The following CD36 variants were observed in gnomAD, a reference collection of about 807,000 sequenced individuals.
The protein encoded by CD36 is platelet glycoprotein 4.
Under a neutral mutation model 55.2 loss-of-function variants are expected in CD36, and 119 were observed. That is an observed-to-expected ratio of 2.15 (90% CI 1.86 to 2.51). The LOEUF (loss-of-function observed/expected upper bound fraction) is 2.51. Among genes scored for constraint, CD36 ranks in the 30% most tolerant of loss-of-function variants. CD36 has a pLI of 0.00. For missense variants in CD36, 819 were observed against 555.5 expected (o/e 1.47, Z -4.77); for synonymous variants, 186 against 193.6 (o/e 0.96, Z 0.33).
At chr7:80,669,417 A>C (rs930549519) in intron 8 of CD36, among the ~76,000 whole-genome samples, 1 of 152,146 alleles carries the variant, frequency 6.6e-6, no homozygotes, top group East Asian at 1.9e-4. Flanking sequence ...TTGGATATTA[A>C]TAAGTTAAAT....
At chr7:80,637,327 T>TA (rs2116230846), upstream of CD36, among the ~76,000 whole-genome samples, 1 of 152,166 alleles carries the variant, frequency 6.6e-6, no homozygotes, top group East Asian at 1.9e-4. Flanking sequence ...AGGTCGCAGT[T>TA]ATTTAAGGGA....
chr7:80,615,990 C>A lies in CD36; in HGVS notation c.-184+13611C>A, dbSNP rs528996408. ...ATTTAATTTTGATTTGATTTTATAG[C>A]CTTAACAGATAACACTTTCTTCCTT... On this transcript the variant is annotated intron_variant, in intron 1 of 13. Coordinates refer to the CD36 transcript ENST00000309881. 7.2e-4 allele frequency among the ~76,000 whole-genome samples: 109 copies of A among 151,166 alleles called. 1 individual carries two copies. The highest frequency in any genetic ancestry group is 1.2e-3 in the Non-Finnish European group (81 of 68,016).
Position 80,667,747 on chromosome 7 carries a change from G to GTTTTTTTTTT in CD36, c.748+1270_748+1279dup, listed in dbSNP as rs1165767460. ...GTTGGATTTGCAGGGGTTTTCTTTT[G>GTTTTTTTTTT]TTTTTTTTTTTTTTTTTTTTTGAGA... is the stretch of plus-strand genomic sequence containing the variant. On this transcript the variant is annotated intron_variant, in intron 8 of 14. Transcript: ENST00000447544. 1.6e-3 allele frequency among the ~76,000 whole-genome samples: 135 copies of GTTTTTTTTTT among 82,574 alleles called. 6 individuals carry two copies. Among genetic ancestry groups the GTTTTTTTTTT allele is most frequent in the Middle Eastern group, 7.0e-3 (1 of 142 alleles). The allele number at this position is 82,574 out of a possible 152,430, so 54.2% of individuals were successfully genotyped here.
In CD36 at chr7:80,671,942, C is replaced by A. The variant is rs994055827; in HGVS notation, c.1027C>A (p.Leu343Ile). The stretch of plus-strand genomic sequence containing the variant: ...TTCAGGGAGACCTGTGTACATTTCA[C>A]TTCCTCATTTTCTGTATGCAAGTCC... ...CKEGRPVYIS[L>I]PHFLYASPDV... The change falls in exon 11 of 15, where the codon CTT becomes ATT. Residue 343 changes from leucine to isoleucine, a missense_variant. Physicochemically the swap from Leu to Ile is conservative, Grantham distance 5 (BLOSUM62 2). Transcript: ENST00000447544. 9 of 1,611,304 alleles carry A rather than the reference C, an allele frequency of 5.6e-6. No individual in the cohort carries two copies. Among genetic ancestry groups the A allele is most frequent in the Admixed American group, 3.3e-5 (2 of 59,920 alleles).
rs573439520 is a variant in CD36, at chr7:80,663,003, T to A, written c.443T>A (p.Ile148Asn). The A allele has an allele frequency of 7.0e-5, 113 of 1,612,484 alleles. 2 individuals are homozygous for A. In the South Asian group the frequency reaches 1.1e-3, roughly 16 times the overall value. ...TTGTTTTTGTAGGCTGCATCCCATA[T>A]CTATCAAAATCAATTTGTTCAAATG... Reference protein sequence around the residue: ...LNLAVAAASHIYQNQFVQMIL... With the variant: ...LNLAVAAASHNYQNQFVQMIL... Residue 148 changes from isoleucine (I) to asparagine (N), a missense_variant, in exon 6 of 15, where the codon ATC becomes AAC. Physicochemically the swap from Ile to Asn is moderately radical, Grantham distance 149. Transcript: ENST00000447544.
At position 80,672,821 on chromosome 7, in the gene CD36, G is replaced by T. The variant is rs1410669906; in HGVS notation, c.1177G>T (p.Val393Phe). Reference sequence around the variant, plus strand: ...AAAACGGCTGCAGGTCAACCTATTGGTCAAGCCATCAGAAAAAATTCAGTG... The same window carrying T: ...AAAACGGCTGCAGGTCAACCTATTGTTCAAGCCATCAGAAAAAATTCAGTG... ...FAKRLQVNLL[V>F]KPSEKIQVLK... is the part of the protein sequence containing the mutation. The change falls in exon 12 of 15, where the codon GTC becomes TTC. Residue 393 changes from valine (V) to phenylalanine (F), a missense_variant. Val to Phe is a conservative substitution (Grantham distance 50). Transcript: ENST00000447544. 3.1e-6 allele frequency: 5 copies of T among 1,610,594 alleles called. No homozygotes were observed. The African/African-American group carries it at 5.3e-5, about 17-fold the overall frequency.
chr7:80,635,093 A>G (rs1385159466), upstream of CD36, among the ~76,000 whole-genome samples: 1 of 152,126 alleles, frequency 6.6e-6, no homozygotes, highest in African/African-American at 2.4e-5. Flanking sequence ...AAAATTATAA[A>G]ATTACTGGGG....
intron 3 of CD36, among the ~76,000 whole-genome samples, chr7:80,648,538 T>A (rs957572073): frequency 1.4e-5 from 2 of 146,800 alleles, no homozygotes; most frequent in African/African-American, 5.2e-5. Context: ...TTTATCTTTA[T>A]GCTTATAATA....
At chr7:80,649,795 T>A (rs1269926986) in intron 3 of CD36, among the ~76,000 whole-genome samples, 2 of 151,846 alleles carry the variant, frequency 1.3e-5, no homozygotes, top group African/African-American at 4.8e-5. Context: ...TATTACAGAA[T>A]TTGTAATAAT....
At chr7:80,655,095 G>C (rs1795948477) in intron 3 of CD36, among the ~76,000 whole-genome samples, 4 of 152,120 alleles carry the variant, frequency 2.6e-5, no homozygotes, top group African/African-American at 9.7e-5. Context: ...GGTGCTTCCA[G>C]GTCAAGGAAA....
chr7:80,640,324 A>C (rs1794721153), intron 1 of CD36, among the ~76,000 whole-genome samples: 1 of 152,004 alleles, frequency 6.6e-6, no homozygotes, highest in African/African-American at 2.4e-5. Flanking sequence ...CATTTATTAG[A>C]TTTTTAAAAC....
At chr7:80,646,479 A>G in intron 2 of CD36, 173 bp from the exon 3 acceptor site, 1 of 471,492 alleles carries the variant, frequency 2.1e-6, no homozygotes, top group East Asian at 4.1e-5. Context: ...GGTAGGCATT[A>G]GAAGCAAGAA....
intron 8 of CD36, 61 bp downstream of exon 8, chr7:80,666,550 C>G: frequency 8.2e-7 from 1 of 1,225,898 alleles, no homozygotes; most frequent in East Asian, 2.3e-5. Flanking sequence ...ACAAATCCAC[C>G]GTTGTACTGA....
chr7:80,660,931 C>T (rs1227689902), intron 4 of CD36, 132 bp from the exon 5 acceptor site: 12 of 739,138 alleles, frequency 1.6e-5, no homozygotes, highest in African/African-American at 5.2e-5. Flanking sequence ...CTCATTTTAA[C>T]ACCATTGCTT....
At chr7:80,626,926 C>G (rs186406364) in intron 1 of CD36, among the ~76,000 whole-genome samples, 327 of 152,100 alleles carry the variant, frequency 2.1e-3, no homozygotes, top group Non-Finnish European at 3.5e-3. Flanking sequence ...TTCTCTGTAC[C>G]TCTTCATATG....
At chr7:80,661,257 C>T (rs1380657032) in intron 5 of CD36, 47 bp downstream of exon 5, 1 of 1,522,170 alleles carries the variant, frequency 6.6e-7, no homozygotes, top group African/African-American at 1.4e-5. Context: ...TACTCTAGAA[C>T]TCATGTAATT....
chr7:80,668,863 G>A (rs191173437), intron 8 of CD36, among the ~76,000 whole-genome samples: 8 of 152,260 alleles, frequency 5.3e-5, no homozygotes, highest in South Asian at 2.1e-4. Flanking sequence ...ATGACGGCTC[G>A]TATTAGTGAT....
intron 1 of CD36, among the ~76,000 whole-genome samples, chr7:80,633,617 A>G (rs555910084): frequency 1.8e-4 from 27 of 152,124 alleles, no homozygotes; most frequent in African/African-American, 5.5e-4. Flanking sequence ...TTATTACTGC[A>G]TGTGAAGTCC....
At chr7:80,656,503 A>G (rs775607549) in intron 3 of CD36, 37 bp from the exon 4 acceptor site, 3 of 1,602,294 alleles carry the variant, frequency 1.9e-6, no homozygotes, top group South Asian at 2.2e-5. Context: ...TGTACTTACT[A>G]CAAAGACATA....
Sources: gnomAD v4.1 joint callset for allele counts (sites outside exome capture counted in the v4.1 genomes callset) on GRCh38, gnomAD v4.1.1 for gene constraint, MANE v1.5 for transcripts, NCBI Gene and HGNC (gene_info 2026-07-23, HGNC 2026-07-21) for gene names.